Variants in ITK observed in about 807,000 individuals in gnomAD.
ITK encodes the protein IL2 inducible T cell kinase.
A neutral mutation model predicts 87.6 loss-of-function variants in ITK; 45 were observed. The observed-to-expected ratio is 0.51, with a 90% CI of 0.40 to 0.66. The LOEUF is 0.66. Ranked by LOEUF, ITK falls within the 30% of genes least tolerant of loss-of-function variation. The probability of loss-of-function intolerance (pLI) is 0.00; values close to 1 mark genes in which losing one functional copy is unlikely to be tolerated. For synonymous variants in ITK, 303 were observed against 273.6 expected, an observed-to-expected ratio of 1.11 and a Z score of -1.06; for missense variants, 605 against 766.3, an observed-to-expected ratio of 0.79 and a Z score of 2.48.
intron 16 of ITK, among the ~76,000 whole-genome samples, chr5:157,252,351 A>G (rs1755157807): frequency 6.6e-6 from 1 of 152,202 alleles, no homozygotes; most frequent in Non-Finnish European, 1.5e-5. Flanking sequence ...AAATGACAAA[A>G]CTGAGGTTCA....
chr5:157,207,165 C>T (rs1754094452), intron 1 of ITK, among the ~76,000 whole-genome samples: 1 of 151,950 alleles, frequency 6.6e-6, no homozygotes, highest in African/African-American at 2.4e-5. Flanking sequence ...TCAAAAACAG[C>T]AGAAGAAAAT....
chr5:157,182,562 A>G (rs1428266224), intron 1 of ITK, among the ~76,000 whole-genome samples: 12 of 152,198 alleles, frequency 7.9e-5, no homozygotes, highest in Admixed American at 5.9e-4. Flanking sequence ...AATTACGTGC[A>G]AGTCCTCTTT....
chr5:157,208,983 A>AC lies in ITK; in HGVS notation c.236dup (p.Phe80ValfsTer6). 1 of 1,610,612 alleles carries AC rather than the reference A, an allele frequency of 6.2e-7. No individual in the cohort carries two copies. The highest frequency in any genetic ancestry group is 8.5e-7 in the Non-Finnish European group (1 of 1,176,908). On this transcript the variant is annotated frameshift_variant, in exon 2 of 17. Coordinates refer to ENST00000422843, the MANE Select transcript of ITK (RefSeq NM_005546.4). LOFTEE classifies it high-confidence loss of function. ...ATCAGCATCCCATGCCACTATAAAT[A>AC]CCCGTTTCAGGTAAGTCCATCAGGT...
At chr5:157,211,158 C>T (rs1464496812) in intron 2 of ITK, 129 bp from the exon 3 acceptor site, 4 of 773,156 alleles carry the variant, frequency 5.2e-6, no homozygotes, top group Non-Finnish European at 9.2e-6. Context: ...TACTGGCCCC[C>T]TAATTACCCA....
chr5:157,239,320 C>T (rs1754839708), intron 9 of ITK, among the ~76,000 whole-genome samples: 1 of 152,122 alleles, frequency 6.6e-6, no homozygotes, highest in Non-Finnish European at 1.5e-5. Context: ...GAGTCCTCTC[C>T]CACTGGAGCC....
At chr5:157,233,497 C>A (rs973437628) in intron 8 of ITK, among the ~76,000 whole-genome samples, 4 of 152,178 alleles carry the variant, frequency 2.6e-5, no homozygotes, top group Non-Finnish European at 5.9e-5. Flanking sequence ...CCCAAAAAAA[C>A]ACACATTAGA....
At chr5:157,222,679 A>C in intron 5 of ITK, 184 bp from the exon 6 acceptor site, 1 of 639,132 alleles carries the variant, frequency 1.6e-6, no homozygotes, top group Non-Finnish European at 2.8e-6. Context: ...TTTACCTCAT[A>C]GAATGAGCAA....
intron 15 of ITK, among the ~76,000 whole-genome samples, chr5:157,247,364 C>T (rs996967565): frequency 6.6e-6 from 1 of 152,146 alleles, no homozygotes; most frequent in South Asian, 2.1e-4. Context: ...TTGGATGACT[C>T]CCCTCTCCCC....
At chr5:157,239,689 G>A (rs4704741) in intron 9 of ITK, among the ~76,000 whole-genome samples, 36,188 of 152,076 alleles carry the variant, frequency 0.24, 5,461 homozygotes, top group African/African-American at 0.42. Flanking sequence ...TTTGACTTAT[G>A]AAGTCAAATA....
At chr5:157,218,505 T>C (rs1179201916) in intron 5 of ITK, among the ~76,000 whole-genome samples, 5 of 115,156 alleles carry the variant, frequency 4.3e-5, no homozygotes, top group Admixed American at 2.9e-4. Flanking sequence ...CAAGACCCCG[T>C]CTCCAGAAAA....
At chr5:157,249,712 A>C (rs547020072) in intron 16 of ITK, among the ~76,000 whole-genome samples, 1 of 152,254 alleles carries the variant, frequency 6.6e-6, no homozygotes, top group South Asian at 2.1e-4. Flanking sequence ...TTAATCTTTG[A>C]CAATTCTCTG....
At chr5:157,236,396 T>C (rs1580902860) in intron 8 of ITK, among the ~76,000 whole-genome samples, 1 of 152,056 alleles carries the variant, frequency 6.6e-6, no homozygotes, top group Non-Finnish European at 1.5e-5. Context: ...AAAATCCTTT[T>C]AAACCCAGAG....
At position 157,244,321 on chromosome 5, in the gene ITK, T is replaced by C; in HGVS notation, c.1292T>C (p.Ile431Thr). 1 of 1,614,190 alleles carries C rather than the reference T, an allele frequency of 6.2e-7. No homozygotes were observed. Among genetic ancestry groups the C allele is most frequent in the African/African-American group, 1.3e-5 (1 of 75,038 alleles). Residue 431 changes from isoleucine to threonine, a missense_variant, in exon 13 of 17, where the codon ATC becomes ACC. By Grantham distance (89) the Ile-to-Thr change is moderately conservative. This residue lies in a region of ITK where 464 missense variants were observed against 578.0 expected (regional missense o/e 0.80). Coordinates refer to ENST00000422843, the MANE Select transcript of ITK (RefSeq NM_005546.4). ...GGGGTGTGCCTGGAGCAGGCCCCCATCTGCCTGGTGTTTGAGTTCATGGAG... is the reference window on the plus strand; with the variant it reads ...GGGGTGTGCCTGGAGCAGGCCCCCACCTGCCTGGTGTTTGAGTTCATGGAG... ...LYGVCLEQAP[I>T]CLVFEFMEHG...
In ITK at chr5:157,229,616, TA is replaced by T. The variant is rs764235683; in HGVS notation, c.713+1261del. 3.3e-5 allele frequency among the ~76,000 whole-genome samples: 5 copies of T among 152,156 alleles called. No individual in the cohort carries two copies. The East Asian group carries it at 7.7e-4, about 23-fold the overall frequency. Reference sequence around the variant, plus strand: ...AACAGGCTGAGAAATTGGTCCACATTAAAAAAGACTAAAGAGGTCGGGCGCA... The same window carrying T: ...AACAGGCTGAGAAATTGGTCCACATTAAAAAGACTAAAGAGGTCGGGCGCA... On this transcript the variant is annotated intron_variant, in intron 7 of 16. Coordinates refer to ENST00000422843, the MANE Select transcript of ITK (RefSeq NM_005546.4).
At chr5:157,245,661 C>T in intron 13 of ITK, 65 bp from the exon 14 acceptor site, 2 of 1,269,178 alleles carry the variant, frequency 1.6e-6, no homozygotes, top group South Asian at 1.2e-5. Flanking sequence ...ATAGGAGACT[C>T]CTTAACTACT....
At chr5:157,193,364 C>T (rs1753789055) in intron 1 of ITK, among the ~76,000 whole-genome samples, 1 of 152,098 alleles carries the variant, frequency 6.6e-6, no homozygotes, top group African/African-American at 2.4e-5. Flanking sequence ...CATGAGAAAG[C>T]ATGTTGTCAA....
chr5:157,240,002 T>G (rs1754855560), intron 9 of ITK, 60 bp from the exon 10 acceptor site: 1 of 1,551,376 alleles, frequency 6.4e-7, no homozygotes, highest in Non-Finnish European at 8.9e-7. Flanking sequence ...ACTCGTAGAC[T>G]TTTTTGTGTC....
chr5:157,252,685 C>A lies in ITK; in HGVS notation c.*7C>A. 1.2e-6 allele frequency: 2 copies of A among 1,604,404 alleles called. No homozygotes were observed. Among genetic ancestry groups the A allele is most frequent in the Non-Finnish European group, 1.7e-6 (2 of 1,171,074 alleles). ...TGCAGAATCAGGACTTTAGTAGAGA[C>A]TGAGTACCAGGCCACGGGCTGCAGA... On this transcript the variant is annotated 3_prime_UTR_variant, in exon 17 of 17. Coordinates refer to ENST00000422843, the MANE Select transcript of ITK (RefSeq NM_005546.4).
intron 9 of ITK, 44 bp from the exon 10 acceptor site, chr5:157,240,018 A>G (rs927446358): frequency 1.3e-6 from 2 of 1,595,744 alleles, no homozygotes; most frequent in Admixed American, 3.3e-5. Context: ...GTGTCTCAAC[A>G]TTGCTTCTTA....
Sources: allele counts gnomAD v4.1 joint callset (sites outside exome capture counted in the v4.1 genomes callset), GRCh38; gene constraint gnomAD v4.1.1; regional missense constraint gnomAD v4.1.1; transcripts MANE v1.5; gene names NCBI Gene and HGNC (gene_info 2026-07-23, HGNC 2026-07-21).